FAT1: variants seen among roughly 807,000 people sequenced by gnomAD.
The protein encoded by FAT1 is FAT atypical cadherin 1, also known as protocadherin Fat 1.
Under a neutral mutation model 329.8 loss-of-function variants are expected in FAT1, and 171 were observed. That is an observed-to-expected ratio of 0.52 (90% confidence interval 0.46 to 0.59). The LOEUF is 0.59. FAT1 is among the 20% of genes least tolerant of loss of function. The pLI, the probability that FAT1 is intolerant of heterozygous loss-of-function variation, is 0.00. For synonymous variants in FAT1, 2,233 were observed against 2,228.6 expected (o/e 1.00, Z -0.06); for missense variants, 5,672 against 5,774.4 (o/e 0.98, Z 0.57).
chr4:186,671,652 C>T (rs540497241), intron 2 of FAT1, among the ~76,000 whole-genome samples: 55 of 151,782 alleles, frequency 3.6e-4, no homozygotes, highest in Non-Finnish European at 7.1e-4. Flanking sequence ...TGAGCCAAGA[C>T]GTGTCATTGC....
intron 2 of FAT1, among the ~76,000 whole-genome samples, chr4:186,675,123 T>A (rs1742893573): frequency 6.6e-6 from 1 of 152,132 alleles, no homozygotes; most frequent in Admixed American, 6.5e-5. Context: ...ATACTAACAA[T>A]ACTGAATCTA....
intron 16 of FAT1, 65 bp from the exon 17 acceptor site, chr4:186,606,278 T>C (rs1300160347): frequency 3.2e-6 from 5 of 1,580,440 alleles, no homozygotes; most frequent in East Asian, 4.5e-5. Flanking sequence ...CAATGAGGAG[T>C]GTCCTCCTGA....
intron 2 of FAT1, among the ~76,000 whole-genome samples, chr4:186,670,078 A>G (rs913228278): frequency 6.6e-6 from 1 of 152,170 alleles, no homozygotes; most frequent in Non-Finnish European, 1.5e-5. Context: ...TCAAATTCCC[A>G]TGGCCACAGA....
At chr4:186,723,219 C>T (rs1357472344) in intron 1 of FAT1, among the ~76,000 whole-genome samples, 1 of 152,258 alleles carries the variant, frequency 6.6e-6, no homozygotes, top group Non-Finnish European at 1.5e-5. Context: ...GCATCTGCAC[C>T]TCCGGGCAGC....
chr4:186,665,578 A>C lies in FAT1; in HGVS notation c.3266-1965T>G, dbSNP rs1006816164. The stretch of plus-strand genomic sequence containing the variant: ...GTAAATTTGTTTGAGTTCTTTGTAG[A>C]TTCTGGATATTAGCCCTTGGTCAGA... On this transcript the variant is annotated intron_variant, in intron 2 of 26. Coordinates refer to ENST00000441802, the MANE Select transcript of FAT1 (RefSeq NM_005245.4). Among the ~76,000 whole-genome samples the C allele has an allele frequency of 7.2e-5, 11 of 152,162 alleles. No homozygotes were observed. The South Asian group carries it at 2.3e-3, about 32-fold the overall frequency.
At chr4:186,674,537 G>A (rs1373123742) in intron 2 of FAT1, among the ~76,000 whole-genome samples, 1 of 152,174 alleles carries the variant, frequency 6.6e-6, no homozygotes, top group East Asian at 1.9e-4. Context: ...ATCCACCAAG[G>A]TGGACCAGCA....
intron 3 of FAT1, among the ~76,000 whole-genome samples, chr4:186,659,874 A>G (rs1742084979): frequency 6.8e-6 from 1 of 146,288 alleles, no homozygotes; most frequent in South Asian, 2.2e-4. Flanking sequence ...CTGTCCCCTG[A>G]ACGACCCTGG....
Position 186,663,392 on chromosome 4 carries a change from C to A in FAT1, c.3487G>T (p.Ala1163Ser). 1.2e-6 allele frequency: 2 copies of A among 1,613,986 alleles called. No individual in the cohort carries two copies. The highest frequency in any genetic ancestry group is 1.7e-5 in the Admixed American group (1 of 60,026). ...PKDVSVVQIE[A>S]FDPDSSSNDK... ...TTAGAGCTCGAATCTGGATCAAATG[C>A]CTCGATCTGGACCACAGATACATCT... Residue 1163 changes from alanine to serine, a missense_variant, in exon 3 of 27, where the codon GCA (alanine) becomes TCA (serine). Around this residue, in one of 2 missense-constraint regions of FAT1, gnomAD observed 3,966 missense variants for 3,915.2 expected, o/e 1.01. Transcript: ENST00000441802.
In FAT1 at chr4:186,618,173, TGTC is replaced by T. The variant is rs1560938554; in HGVS notation, c.8410_8412del (p.Asp2804del). 3.1e-6 allele frequency: 5 copies of T among 1,614,046 alleles called. No individual in the cohort carries two copies. Among genetic ancestry groups the T allele is most frequent in the Non-Finnish European group, 3.4e-6 (4 of 1,179,906 alleles). ...GGACTAGATTCAAAGACCGGGCTGT[TGTC>T]ATTTGCATCTTTCACTTGGATACTA... On this transcript the variant is annotated inframe_deletion, in exon 10 of 27. Coordinates refer to ENST00000441802, the MANE Select transcript of FAT1 (RefSeq NM_005245.4).
At chr4:186,697,798 C>T (rs1744108758) in intron 2 of FAT1, among the ~76,000 whole-genome samples, 2 of 152,186 alleles carry the variant, frequency 1.3e-5, no homozygotes, top group African/African-American at 4.8e-5. Flanking sequence ...CCCGCTGGTC[C>T]TCCTTTATGA....
chr4:186,639,778 TGA>T lies in FAT1; in HGVS notation c.3584_3585del (p.Leu1195HisfsTer15), dbSNP rs1404565482. The T allele has an allele frequency of 1.2e-6, 2 of 1,612,256 alleles. No individual in the cohort carries two copies. The highest frequency in any genetic ancestry group is 1.7e-6 in the Non-Finnish European group (2 of 1,178,706). On this transcript the variant is annotated frameshift_variant, in exon 4 of 27. Transcript: ENST00000441802. LOFTEE classifies it high-confidence loss of function. ...GFFSIHPKTG[L>X]ITTTSRKLDR... ...TCTAGCTTCCTTGACGTAGTTGTGATGAGACCTGTAAAATGATAACAGTTCAT... is the reference window on the plus strand; with the variant it reads ...TCTAGCTTCCTTGACGTAGTTGTGATGACCTGTAAAATGATAACAGTTCAT...
Position 186,603,547 on chromosome 4 carries a change from C to T in FAT1, c.10979G>A (p.Trp3660Ter), listed in dbSNP as rs2126429735. 6.2e-7 allele frequency: 1 copy of T among 1,613,978 alleles called. No homozygotes were observed. The highest frequency in any genetic ancestry group is 8.5e-7 in the Non-Finnish European group (1 of 1,179,892). The change falls in exon 19 of 27, where the codon TGG (tryptophan) becomes TAG (stop). Residue 3660 changes from tryptophan (W) to a stop codon, truncating the protein, a stop_gained. Coordinates refer to ENST00000441802, the MANE Select transcript of FAT1 (RefSeq NM_005245.4). LOFTEE classifies it high-confidence loss of function. Reference protein sequence around the residue: ...LTPEEFVGDYWRNFQRALRNI... With the variant: ...LTPEEFVGDY ...CCGTAAAGCTCGCTGGAAGTTGCGCCAGTAGTCACCAACGAATTCTTCCGG... is the reference window on the plus strand; with the variant it reads ...CCGTAAAGCTCGCTGGAAGTTGCGCTAGTAGTCACCAACGAATTCTTCCGG...
chr4:186,600,357 G>A lies in FAT1; in HGVS notation c.11644C>T (p.His3882Tyr), dbSNP rs1451867464. The A allele has an allele frequency of 3.1e-6, 5 of 1,608,542 alleles. No homozygotes were observed. In the South Asian group the frequency reaches 3.3e-5, roughly 11 times the overall value. ...AACTTGTACTGCAGCCTTCCATGATGAATCTAGGATAAAAGCAATGACTGT... is the reference window on the plus strand; with the variant it reads ...AACTTGTACTGCAGCCTTCCATGATAAATCTAGGATAAAAGCAATGACTGT... ...RGTDYSILEI[H>Y]HGRLQYKFDC... The change falls in exon 22 of 27, where the codon CAT becomes TAT. Residue 3882 changes from histidine (H) to tyrosine (Y), a missense_variant. Physicochemically the swap from His to Tyr is moderately conservative, Grantham distance 83. Coordinates refer to ENST00000441802, the MANE Select transcript of FAT1 (RefSeq NM_005245.4).
chr4:186,692,959 G>C (rs1356473055), intron 2 of FAT1, among the ~76,000 whole-genome samples: 6 of 152,140 alleles, frequency 3.9e-5, no homozygotes, highest in Admixed American at 3.9e-4. Flanking sequence ...AATTCCTTTG[G>C]GGGTAAGAAA....
chr4:186,610,630 TATATAATTTATATAATTTATATAA>T (rs1320796753), intron 14 of FAT1, among the ~76,000 whole-genome samples: 14 of 102,884 alleles, frequency 1.4e-4, no homozygotes, highest in African/African-American at 5.2e-4. Context: ...AAATATAAAT[TATATAATTTATATAATTTATATAA>T]ATATAAATTA....
chr4:186,631,430 C>T (rs1740586185), intron 7 of FAT1, among the ~76,000 whole-genome samples: 1 of 150,898 alleles, frequency 6.6e-6, no homozygotes, highest in Admixed American at 6.6e-5. Flanking sequence ...CCCGCGGTAT[C>T]CTAGTGTCTC....
rs188188069 is a variant in FAT1, at chr4:186,636,787, C to G, written c.3770G>C (p.Arg1257Pro). 1 of 1,613,938 alleles carries G rather than the reference C, an allele frequency of 6.2e-7. No homozygotes were observed. Among genetic ancestry groups the G allele is most frequent in the Non-Finnish European group, 8.5e-7 (1 of 1,179,890 alleles). The change falls in exon 5 of 27, where the codon CGG becomes CCG. Residue 1257 changes from arginine to proline, a missense_variant. Arg to Pro is a moderately radical substitution (Grantham distance 103). This residue lies in a region of FAT1 where 3,966 missense variants were observed against 3,915.2 expected (regional missense o/e 1.01). Transcript: ENST00000441802. The stretch of plus-strand genomic sequence containing the variant: ...ATTTCTTTCTCGGTCTGGCTTTTCC[C>G]GCTCAGGGAGTCTGATTTTGTAGAA... ...QKFYKIRLPE[R>P]EKPDRERNAR... is the part of the protein sequence containing the mutation.
At chr4:186,725,276 C>T (rs1175919213), upstream of FAT1, among the ~76,000 whole-genome samples, 3 of 152,082 alleles carry the variant, frequency 2.0e-5, no homozygotes, top group African/African-American at 7.2e-5. The surrounding 1 kb of genome is among the most constrained non-coding windows in gnomAD (Gnocchi z 5.4). Context: ...TAAATCTCAG[C>T]AAAACCCAAA....
At chr4:186,597,240 T>TA (rs1560919025) in intron 24 of FAT1, 69 bp from the exon 25 acceptor site, 2 of 1,444,060 alleles carry the variant, frequency 1.4e-6, no homozygotes, top group African/African-American at 1.4e-5. Flanking sequence ...GCTCAATCCT[T>TA]AGAGACTGAA....
Sources: gnomAD v4.1 joint callset for allele counts (sites outside exome capture counted in the v4.1 genomes callset) on GRCh38, gnomAD v4.1.1 for gene constraint, gnomAD v4.1.1 regional missense constraint, Gnocchi (gnomAD v3.1) non-coding constraint, MANE v1.5 for transcripts, NCBI Gene and HGNC (gene_info 2026-07-23, HGNC 2026-07-21) for gene names.